The following TUSC3 variants were observed in gnomAD, a reference collection of about 807,000 sequenced individuals.
TUSC3 encodes the protein dolichyl-diphosphooligosaccharide--protein glycosyltransferase subunit TUSC3.
In TUSC3, 45 loss-of-function variants were observed where a neutral mutation model predicts 44.8. That is an observed-to-expected ratio of 1.00 (90% CI 0.79 to 1.29). TUSC3 has a LOEUF of 1.29. TUSC3 is among the 50% of genes most tolerant of loss of function. The probability of loss-of-function intolerance (pLI) is 0.00; values close to 1 mark genes in which losing one functional copy is unlikely to be tolerated. For synonymous variants in TUSC3, 212 were observed against 152.9 expected, an observed-to-expected ratio of 1.39 and a Z score of -2.85; for missense variants, 519 against 437.9, an observed-to-expected ratio of 1.19 and a Z score of -1.65.
intron 1 of TUSC3, among the ~76,000 whole-genome samples, chr8:15,433,097 CT>C (rs1389000652): frequency 6.6e-6 from 1 of 152,174 alleles, no homozygotes; most frequent in Non-Finnish European, 1.5e-5. Context: ...AAATTTTACT[CT>C]GTCCCTGCAT....
chr8:15,805,448 T>G, the TUSC3 span, among the ~76,000 whole-genome samples: 1 of 152,200 alleles, frequency 6.6e-6, no homozygotes, highest in Non-Finnish European at 1.5e-5. Flanking sequence ...GCCTGTTTAG[T>G]ATGATGTTGG....
At chr8:15,569,715 G>A (rs963627701) in intron 1 of TUSC3, among the ~76,000 whole-genome samples, 1 of 152,214 alleles carries the variant, frequency 6.6e-6, no homozygotes, top group African/African-American at 2.4e-5. Context: ...TTTGAAAATG[G>A]ATACATAGTG....
chr8:15,623,876 T>TA (rs1805367834), intron 2 of TUSC3, among the ~76,000 whole-genome samples: 1 of 152,138 alleles, frequency 6.6e-6, no homozygotes, highest in African/African-American at 2.4e-5. Flanking sequence ...ACAAGTAGGG[T>TA]ACTGGCATCG....
In TUSC3 at chr8:15,596,893, A is replaced by T. The variant is rs552363506; in HGVS notation, c.139-26187A>T. Among the ~76,000 whole-genome samples, 3 of 152,264 alleles carry T rather than the reference A, an allele frequency of 2.0e-5. No homozygotes were observed. The South Asian group carries it at 6.2e-4, about 32-fold the overall frequency. Reference sequence around the variant, plus strand: ...TTCAAATAATAGACGATCTTTCTTAATTTAACATAGTTGACTGCAGGCTGT... The same window carrying T: ...TTCAAATAATAGACGATCTTTCTTATTTTAACATAGTTGACTGCAGGCTGT... On this transcript the variant is annotated intron_variant, in intron 1 of 10. Transcript: ENST00000503731.
chr8:15,545,277 G>A (rs565692373), intron 1 of TUSC3, among the ~76,000 whole-genome samples: 1 of 151,610 alleles, frequency 6.6e-6, no homozygotes, highest in Non-Finnish European at 1.5e-5. Context: ...GGTTCCTTGA[G>A]CTTCAGTTCA....
chr8:15,459,736 C>G (rs967682419), intron 1 of TUSC3, among the ~76,000 whole-genome samples: 1 of 152,022 alleles, frequency 6.6e-6, no homozygotes. Flanking sequence ...TTTTCCATTC[C>G]TAAATTACCT....
the TUSC3 span, among the ~76,000 whole-genome samples, chr8:15,813,988 C>G: frequency 6.6e-6 from 1 of 152,152 alleles, no homozygotes; most frequent in African/African-American, 2.4e-5. Context: ...TAGCATCTAC[C>G]TCACTGGGTA....
At chr8:15,453,394 C>T (rs1800217916) in intron 1 of TUSC3, among the ~76,000 whole-genome samples, 1 of 152,098 alleles carries the variant, frequency 6.6e-6, no homozygotes, top group South Asian at 2.1e-4. Context: ...ACTTTTATGG[C>T]ACCACTAAAA....
chr8:15,431,918 A>G (rs1280346296), intron 1 of TUSC3, among the ~76,000 whole-genome samples: 2 of 151,860 alleles, frequency 1.3e-5, no homozygotes, highest in African/African-American at 2.4e-5. Context: ...ATTAGAAATT[A>G]CATTATCACA....
intron 1 of TUSC3, among the ~76,000 whole-genome samples, chr8:15,574,983 T>A (rs1585116259): frequency 6.6e-6 from 1 of 152,258 alleles, no homozygotes; most frequent in Admixed American, 6.5e-5. Context: ...AGAGTTTAAC[T>A]TTGGGGTGGT....
intron 2 of TUSC3, among the ~76,000 whole-genome samples, chr8:15,638,033 C>T (rs1189488281): frequency 6.6e-6 from 1 of 152,144 alleles, no homozygotes; most frequent in African/African-American, 2.4e-5. Flanking sequence ...CATGTTTGTT[C>T]CTGTGTACTT....
intron 5 of TUSC3, among the ~76,000 whole-genome samples, chr8:15,665,720 A>T (rs1807626401): frequency 6.6e-6 from 1 of 151,432 alleles, no homozygotes; most frequent in African/African-American, 2.4e-5. Context: ...ATATATTGCA[A>T]AGTAATATAT....
At chr8:15,524,393 T>G (rs895526089) in intron 2 of TUSC3, among the ~76,000 whole-genome samples, 3 of 152,208 alleles carry the variant, frequency 2.0e-5, no homozygotes, top group African/African-American at 4.8e-5. Flanking sequence ...AAATAATTCC[T>G]AAATTCATTT....
intron 2 of TUSC3, among the ~76,000 whole-genome samples, chr8:15,630,725 G>C (rs1406201852): frequency 6.6e-6 from 1 of 152,148 alleles, no homozygotes; most frequent in South Asian, 2.1e-4. Flanking sequence ...TTAGGGCAGT[G>C]ATCTCTCCGC....
intron 2 of TUSC3, among the ~76,000 whole-genome samples, chr8:15,510,812 G>T (rs539269159): frequency 1.5e-4 from 23 of 152,096 alleles, no homozygotes; most frequent in African/African-American, 5.5e-4. Context: ...CATGACTATG[G>T]ACACAAACAT....
chr8:15,726,059 G>A (rs1010092335), intron 6 of TUSC3, among the ~76,000 whole-genome samples: 5 of 152,142 alleles, frequency 3.3e-5, no homozygotes, highest in Admixed American at 1.3e-4. Flanking sequence ...GGAACATTAC[G>A]TGTTTAAAAG....
chr8:15,555,631 A>G (rs1802232894), intron 1 of TUSC3, among the ~76,000 whole-genome samples: 2 of 151,594 alleles, frequency 1.3e-5, no homozygotes, highest in South Asian at 2.1e-4. Flanking sequence ...CATTTCTCTC[A>G]TATTTTACTT....
At chr8:15,724,780 A>T (rs1485362346) in intron 6 of TUSC3, among the ~76,000 whole-genome samples, 2 of 152,174 alleles carry the variant, frequency 1.3e-5, no homozygotes, top group Admixed American at 1.3e-4. Flanking sequence ...GGTGAAAGAA[A>T]ATAGATGGGA....
At chr8:15,624,885 T>A (rs1249528836) in intron 2 of TUSC3, among the ~76,000 whole-genome samples, 1 of 152,180 alleles carries the variant, frequency 6.6e-6, no homozygotes, top group Non-Finnish European at 1.5e-5. Flanking sequence ...CCCAAAGATC[T>A]TCTCCTGTTT....
Sources: allele counts gnomAD v4.1 joint callset (sites outside exome capture counted in the v4.1 genomes callset), GRCh38; gene constraint gnomAD v4.1.1; transcripts MANE v1.5; gene names NCBI Gene and HGNC (gene_info 2026-07-23, HGNC 2026-07-21).